The following PCDH19 variants were observed in gnomAD, a reference collection of about 807,000 sequenced individuals.
PCDH19 encodes protocadherin-19.
A neutral mutation model predicts 46.2 loss-of-function variants in PCDH19; 6 were observed. That is an observed-to-expected ratio of 0.13 (90% CI 0.07 to 0.26). The LOEUF is 0.26. Ranked by LOEUF, PCDH19 falls within the 10% of genes least tolerant of loss-of-function variation. The pLI is 1.00. For synonymous variants in PCDH19, 481 were observed against 415.7 expected, an observed-to-expected ratio of 1.16 and a Z score of -1.91; for missense variants, 740 against 972.3, an observed-to-expected ratio of 0.76 and a Z score of 3.18.
At chrX:100,342,873 T>G (rs1926294551) in intron 4 of PCDH19, among the ~76,000 whole-genome samples, 1 of 112,102 alleles carries the variant, frequency 8.9e-6, no homozygotes, top group African/African-American at 3.2e-5. Context: ...TGATGTTTAA[T>G]TTTGTGAGTC....
At chrX:100,402,436 T>A in intron 3 of PCDH19, 88 bp downstream of exon 3, 2 of 791,360 alleles carry the variant, frequency 2.5e-6, no homozygotes, top group Non-Finnish European at 1.9e-6. Context: ...TGCCAGGGGA[T>A]GTGCCAGCAC....
At chrX:100,334,864 A>G (rs1602590799) in intron 5 of PCDH19, among the ~76,000 whole-genome samples, 1 of 108,126 alleles carries the variant, frequency 9.2e-6, no homozygotes, top group Non-Finnish European at 1.9e-5. Flanking sequence ...ATGTCTGTAT[A>G]TATATATATA....
intron 4 of PCDH19, among the ~76,000 whole-genome samples, chrX:100,347,490 G>A: frequency 9.0e-6 from 1 of 111,717 alleles, no homozygotes; most frequent in Non-Finnish European, 1.9e-5. Flanking sequence ...CTTTGTAAAT[G>A]GTCCTCTTTG....
intron 3 of PCDH19, among the ~76,000 whole-genome samples, chrX:100,352,820 C>G (rs1471579564): frequency 3.6e-5 from 4 of 111,993 alleles, no homozygotes; most frequent in Non-Finnish European, 5.6e-5. Flanking sequence ...GTGCAGTCTG[C>G]AGGACCACGG....
chrX:100,379,590 TCAGA>T (rs776561318), intron 3 of PCDH19, among the ~76,000 whole-genome samples: 8 of 111,492 alleles, frequency 7.2e-5, no homozygotes, highest in Non-Finnish European at 1.3e-4. Flanking sequence ...CTGCTGACTG[TCAGA>T]CAGAACGTCA....
At position 100,407,812 on chromosome X, in the gene PCDH19, G is replaced by A; in HGVS notation, c.786C>T (p.Ala262=). 1 of 1,212,355 alleles carries A rather than the reference G, an allele frequency of 8.2e-7. No homozygotes were observed. Among genetic ancestry groups the A allele is most frequent in the Admixed American group, 2.2e-5 (1 of 46,120 alleles). Residue 262 remains alanine, a synonymous_variant, in exon 1 of 6, where the codon GCC becomes GCT. Coordinates refer to ENST00000373034, the MANE Select transcript of PCDH19 (RefSeq NM_001184880.2). ...CGTTGGTGCCCTCGTCTGGATCGCTGGCGTTGAGGCGGATGACGGGTGTGT... is the reference window on the plus strand; with the variant it reads ...CGTTGGTGCCCTCGTCTGGATCGCTAGCGTTGAGGCGGATGACGGGTGTGT... ...PPNTPVIRLN[A]SDPDEGTNGQ...
chrX:100,296,578 T>A lies in PCDH19; in HGVS notation c.3146A>T (p.Asn1049Ile). The A allele has an allele frequency of 1.7e-6, 2 of 1,211,590 alleles. No homozygotes were observed. Among genetic ancestry groups the A allele is most frequent in the Non-Finnish European group, 2.2e-6 (2 of 895,465 alleles). Residue 1049 changes from asparagine (N) to isoleucine (I), a missense_variant, in exon 6 of 6, where the codon AAC becomes ATC. This residue lies in a region of PCDH19 where 416 missense variants were observed against 476.8 expected (regional missense o/e 0.87). Coordinates refer to ENST00000373034, the MANE Select transcript of PCDH19 (RefSeq NM_001184880.2). ...VDVTICSPKV[N>I]SVIREAGNGC... is the part of the protein sequence containing the mutation. ...ATTGCCTGCCTCCCGGATAACGCTG[T>A]TGACCTTGGGGCTGCAGATGGTCAC...
At position 100,395,755 on chromosome X, in the gene PCDH19, C is replaced by G. The variant is rs1281761507; in HGVS notation, c.2616+6769G>C. On this transcript the variant is annotated intron_variant, in intron 3 of 5. Coordinates refer to ENST00000373034, the MANE Select transcript of PCDH19 (RefSeq NM_001184880.2). ...TGCAGGAATGTTCCTCATCATTCCC[C>G]TGGGGGGCACAGGGAGGTGCTAGCA... Among the ~76,000 whole-genome samples, 9 of 113,253 alleles carry G rather than the reference C, an allele frequency of 7.9e-5. No homozygotes were observed. In the Admixed American group the frequency reaches 8.3e-4, roughly 10 times the overall value.
At chrX:100,310,698 G>T (rs1925104803) in intron 5 of PCDH19, among the ~76,000 whole-genome samples, 1 of 109,659 alleles carries the variant, frequency 9.1e-6, no homozygotes, top group Non-Finnish European at 1.9e-5. Context: ...ACCTATATTA[G>T]TGGGATACCT....
intron 4 of PCDH19, among the ~76,000 whole-genome samples, chrX:100,347,590 G>T (rs1926443327): frequency 8.9e-6 from 1 of 111,756 alleles, no homozygotes; most frequent in Non-Finnish European, 1.9e-5. Context: ...ACCAGAGGTG[G>T]ACAGTGGTAG....
intron 3 of PCDH19, among the ~76,000 whole-genome samples, chrX:100,381,766 T>C (rs1265629677): frequency 8.9e-6 from 1 of 111,998 alleles, no homozygotes; most frequent in African/African-American, 3.2e-5. Flanking sequence ...GCCTTGTATT[T>C]TGCACATTTC....
Position 100,296,734 on chromosome X carries a change from G to A in PCDH19, c.2990C>T (p.Ala997Val). The change falls in exon 6 of 6, where the codon GCT becomes GTT. Residue 997 changes from alanine to valine, a missense_variant. Around this residue, in one of 5 missense-constraint regions of PCDH19, gnomAD observed 416 missense variants for 476.8 expected, o/e 0.87. Transcript: ENST00000373034. The stretch of plus-strand genomic sequence containing the variant: ...ATAAGCCTCGACATCAGCAGCAGTA[G>A]CTTCAATAGACAGCGCGATGATGTT... ...VRNIIALSIE[A>V]TAADVEAYDD... 8.3e-7 allele frequency: 1 copy of A among 1,211,535 alleles called. No homozygotes were observed. The highest frequency in any genetic ancestry group is 1.1e-6 in the Non-Finnish European group (1 of 895,408).
rs1374747100 is a variant in PCDH19 at position 100,333,160 on chromosome X, A to G, written c.2848+8743T>C. Among the ~76,000 whole-genome samples, 366 of 50,741 alleles carry G rather than the reference A, an allele frequency of 7.2e-3. 3 individuals carry two copies. The highest frequency in any genetic ancestry group is 0.034 in the East Asian group (55 of 1,609). The allele number at this position is 50,741 out of a possible 115,157, so 44.1% of individuals were successfully genotyped here. A position where few individuals can be genotyped will look rare whatever the true frequency, so the allele number is the denominator to read the frequency against. The stretch of plus-strand genomic sequence containing the variant: ...AAGGAAGGAAGGAAGGAAGGAAGGA[A>G]GGAAGGAAGGAAGGGAGAGAGAGAG... On this transcript the variant is annotated intron_variant, in intron 5 of 5. Transcript: ENST00000373034.
Position 100,406,630 on chromosome X carries a change from A to G in PCDH19, c.1968T>C (p.Ala656=). ...CAGGGGACAAGTAGATTAGGACGAG[A>G]GCAGAGGCAGAGAGAGATGTCTTGC... ...DHGKTSLSAS[A]LVLIYLSPAL... Residue 656 remains alanine, a synonymous_variant, in exon 1 of 6, where the codon GCT becomes GCC. Coordinates refer to ENST00000373034, the MANE Select transcript of PCDH19 (RefSeq NM_001184880.2). 1 of 1,211,605 alleles carries G rather than the reference A, an allele frequency of 8.3e-7. No homozygotes were observed.
intron 5 of PCDH19, among the ~76,000 whole-genome samples, chrX:100,340,555 T>A (rs1926224701): frequency 8.9e-6 from 1 of 111,983 alleles, no homozygotes; most frequent in African/African-American, 3.2e-5. Flanking sequence ...AACTGTTTAA[T>A]TTTTTTCATC....
chrX:100,406,319 C>T, intron 1 of PCDH19, 132 bp downstream of exon 1: 2 of 529,799 alleles, frequency 3.8e-6, no homozygotes, highest in Admixed American at 5.9e-5. Context: ...AAACTTTTCA[C>T]CCTACAAAAA....
intron 5 of PCDH19, among the ~76,000 whole-genome samples, chrX:100,317,781 T>C (rs1356486533): frequency 4.5e-5 from 5 of 110,844 alleles, no homozygotes; most frequent in African/African-American, 6.6e-5. Context: ...CACACACACA[T>C]ACATAGCTCC....
chrX:100,368,127 A>G (rs1186061067), intron 3 of PCDH19, among the ~76,000 whole-genome samples: 1 of 111,851 alleles, frequency 8.9e-6, no homozygotes, highest in Non-Finnish European at 1.9e-5. Flanking sequence ...AAAAATCAAT[A>G]TCCGAAGGGG....
intron 3 of PCDH19, among the ~76,000 whole-genome samples, chrX:100,377,645 G>A (rs909208142): frequency 8.9e-6 from 1 of 112,276 alleles, no homozygotes; most frequent in Non-Finnish European, 1.9e-5. Context: ...GTGTGTCACA[G>A]CATGTGCAGG....
Sources: gnomAD v4.1 joint callset for allele counts (sites outside exome capture counted in the v4.1 genomes callset) on GRCh38, gnomAD v4.1.1 for gene constraint, gnomAD v4.1.1 regional missense constraint, MANE v1.5 for transcripts, NCBI Gene and HGNC (gene_info 2026-07-23, HGNC 2026-07-21) for gene names.